PLET1: variants seen among roughly 807,000 people sequenced by gnomAD.
PLET1 encodes the protein placenta-expressed transcript 1 protein.
Under a neutral mutation model 18.5 loss-of-function variants are expected in PLET1, and 20 were observed. That is an observed-to-expected ratio of 1.08 (90% confidence interval 0.76 to 1.57). The LOEUF (loss-of-function observed/expected upper bound fraction) is 1.57. PLET1 is among the 40% of genes most tolerant of loss of function. The pLI is 0.00. For synonymous variants in PLET1, 93 were observed against 93.8 expected (o/e 0.99, Z 0.05); for missense variants, 256 against 246.4 (o/e 1.04, Z -0.26).
chr11:112,249,933 G>C (rs903744139), intron 3 of PLET1, among the ~76,000 whole-genome samples: 19 of 148,964 alleles, frequency 1.3e-4, no homozygotes, highest in African/African-American at 4.5e-4. Context: ...TTCCAGTCTG[G>C]GTGAGAAAGT....
At position 112,248,408 on chromosome 11, in the gene PLET1, C is replaced by T. The variant is rs2135415198; in HGVS notation, c.*391G>A. 2.5e-6 allele frequency: 1 copy of T among 399,508 alleles called. No individual in the cohort carries two copies. The highest frequency in any genetic ancestry group is 3.6e-5 in the East Asian group (1 of 27,970). The allele number at this position is 399,508 out of a possible 1,614,324, so 24.7% of individuals were successfully genotyped here. A position where few individuals can be genotyped will look rare whatever the true frequency, so the allele number is the denominator to read the frequency against. On this transcript the variant is annotated 3_prime_UTR_variant, in exon 4 of 4. Coordinates refer to ENST00000338832, the MANE Select transcript of PLET1 (RefSeq NM_001145024.1). ...ATGGGTTTGGTTAGAAATCTGAGAT[C>T]ATCTTGAAAGTAAGGAAGGATTCTT...
chr11:112,259,635 G>A (rs896773856), intron 1 of PLET1, among the ~76,000 whole-genome samples: 7 of 152,134 alleles, frequency 4.6e-5, no homozygotes, highest in African/African-American at 9.7e-5. Flanking sequence ...CATAAAGTGG[G>A]TTAGTAATAC....
chr11:112,250,110 C>G (rs1485074436), intron 3 of PLET1, among the ~76,000 whole-genome samples: 1 of 150,288 alleles, frequency 6.7e-6, no homozygotes, highest in African/African-American at 2.4e-5. Context: ...CCAAATGTTT[C>G]TCTGGCATCC....
chr11:112,256,162 C>G (rs879852508), intron 1 of PLET1, among the ~76,000 whole-genome samples: 2 of 152,150 alleles, frequency 1.3e-5, no homozygotes, highest in Non-Finnish European at 2.9e-5. Context: ...GGCCCTAACT[C>G]CTTAGAGAGT....
intron 2 of PLET1, among the ~76,000 whole-genome samples, chr11:112,254,283 G>A (rs1041577302): frequency 1.4e-5 from 2 of 146,484 alleles, no homozygotes; most frequent in Admixed American, 7.0e-5. Flanking sequence ...GGTGTGTAGT[G>A]TGTGTATGTG....
At chr11:112,256,676 A>G (rs148150215) in intron 1 of PLET1, among the ~76,000 whole-genome samples, 1 of 152,226 alleles carries the variant, frequency 6.6e-6, no homozygotes, top group African/African-American at 2.4e-5. Context: ...AATTGTTATT[A>G]TGTGACTATA....
chr11:112,250,244 T>C (rs1860141007), intron 3 of PLET1, among the ~76,000 whole-genome samples: 2 of 145,764 alleles, frequency 1.4e-5, no homozygotes, highest in Non-Finnish European at 1.5e-5. Context: ...TTTTTTTTTT[T>C]TCCTTTTTGG....
intron 2 of PLET1, among the ~76,000 whole-genome samples, chr11:112,254,501 AGT>A (rs769586099): frequency 1.5e-3 from 138 of 90,330 alleles, no homozygotes; most frequent in East Asian, 3.0e-3. Context: ...GTGTGGCATG[AGT>A]GTGTGTGGTG....
Position 112,248,929 on chromosome 11 carries a change from A to G in PLET1, c.494T>C (p.Phe165Ser), listed in dbSNP as rs7128270. 6,198 of 1,551,148 alleles carry G rather than the reference A, an allele frequency of 4.0e-3. 217 individuals carry two copies. In the African/African-American group the frequency reaches 0.073, roughly 18 times the overall value. Residue 165 changes from phenylalanine to serine, a missense_variant, in exon 4 of 4, where the codon TTC becomes TCC. By Grantham distance (155) the Phe-to-Ser change is radical. Coordinates refer to ENST00000338832, the MANE Select transcript of PLET1 (RefSeq NM_001145024.1). ...LAAKIPQSSAFKPFFMITPKS... is the reference protein window; with the variant it reads ...LAAKIPQSSASKPFFMITPKS... The stretch of plus-strand genomic sequence containing the variant: ...GGGTGTAATCATGAAGAAAGGCTTG[A>G]AGGCTGAGCTCTGGGGAATCTTGGC...
chr11:112,257,192 T>G (rs1047989781), intron 1 of PLET1, among the ~76,000 whole-genome samples: 1 of 152,196 alleles, frequency 6.6e-6, no homozygotes, highest in African/African-American at 2.4e-5. Context: ...ATTCCCACTC[T>G]AAGGGCAGCC....
At chr11:112,254,844 GT>G (rs1860202020) in intron 2 of PLET1, among the ~76,000 whole-genome samples, 1 of 135,906 alleles carries the variant, frequency 7.4e-6, no homozygotes, top group Non-Finnish European at 1.6e-5. Flanking sequence ...TGTGTTGTGT[GT>G]GGTGTGTGTG....
rs1860122648 is a variant in PLET1, at chr11:112,248,454, G to A, written c.*345C>T. 2.5e-6 allele frequency: 1 copy of A among 406,856 alleles called. No homozygotes were observed. The highest frequency in any genetic ancestry group is 1.2e-4 in the South Asian group (1 of 8,376). 25.2% of individuals were successfully genotyped at this position (406,856 alleles called of 1,614,324 possible). ...TTCTTCCCACAGAAACTCAGAGGTT[G>A]CAGGGGAATCATTTGGCAGTGAACA... is the stretch of plus-strand genomic sequence containing the variant. On this transcript the variant is annotated 3_prime_UTR_variant, in exon 4 of 4. Coordinates refer to ENST00000338832, the MANE Select transcript of PLET1 (RefSeq NM_001145024.1).
intron 3 of PLET1, 55 bp from the exon 4 acceptor site, chr11:112,249,029 G>C: frequency 6.7e-7 from 1 of 1,491,152 alleles, no homozygotes; most frequent in Non-Finnish European, 9.1e-7. Flanking sequence ...CGGAACCTCC[G>C]TTGGGTGGTG....
chr11:112,251,991 T>C (rs1425721439), intron 3 of PLET1, among the ~76,000 whole-genome samples: 1 of 152,220 alleles, frequency 6.6e-6, no homozygotes, highest in Non-Finnish European at 1.5e-5. Context: ...CATTAAGGCT[T>C]TGTGTGAGTG....
chr11:112,258,760 C>T (rs1860254061), intron 1 of PLET1, among the ~76,000 whole-genome samples: 1 of 152,312 alleles, frequency 6.6e-6, no homozygotes, highest in South Asian at 2.1e-4. Flanking sequence ...ATCCTCCCTG[C>T]CCTGTCAGGA....
chr11:112,248,935 G>C lies in PLET1; in HGVS notation c.488C>G (p.Ser163Ter). ...LALAAKIPQS[S>*]AFKPFFMITP... is the part of the protein sequence containing the mutation. Reference sequence around the variant, plus strand: ...AATCATGAAGAAAGGCTTGAAGGCTGAGCTCTGGGGAATCTTGGCAGCTAA... The same window carrying C: ...AATCATGAAGAAAGGCTTGAAGGCTCAGCTCTGGGGAATCTTGGCAGCTAA... The change falls in exon 4 of 4, where the codon TCA becomes TGA. Residue 163 changes from serine to a stop codon, truncating the protein, a stop_gained. Coordinates refer to ENST00000338832, the MANE Select transcript of PLET1 (RefSeq NM_001145024.1). LOFTEE classifies it low-confidence loss of function (END_TRUNC). The C allele has an allele frequency of 2.6e-6, 4 of 1,551,030 alleles. No individual in the cohort carries two copies. The highest frequency in any genetic ancestry group is 3.5e-6 in the Non-Finnish European group (4 of 1,146,996).
chr11:112,248,355 T>G lies in PLET1; in HGVS notation c.*444A>C, dbSNP rs1592887779. On this transcript the variant is annotated 3_prime_UTR_variant, in exon 4 of 4. Transcript: ENST00000338832. ...TTTCTCCTTTCTTTCTTGAGTCACATGAGTCACAGAAGTTCCTTGTAACCT... is the reference window on the plus strand; with the variant it reads ...TTTCTCCTTTCTTTCTTGAGTCACAGGAGTCACAGAAGTTCCTTGTAACCT... 1.1e-5 allele frequency: 4 copies of G among 380,116 alleles called. No individual in the cohort carries two copies. Among genetic ancestry groups the G allele is most frequent in the Non-Finnish European group, 1.9e-5 (4 of 215,204 alleles). 23.5% of individuals were successfully genotyped at this position (380,116 alleles called of 1,614,324 possible).
chr11:112,252,822 T>C (rs1860169800), intron 2 of PLET1, among the ~76,000 whole-genome samples: 1 of 152,212 alleles, frequency 6.6e-6, no homozygotes, highest in Non-Finnish European at 1.5e-5. Flanking sequence ...GCTAGGAGCC[T>C]CTGTCCCCAT....
At chr11:112,251,211 A>G (rs1309575351) in intron 3 of PLET1, among the ~76,000 whole-genome samples, 1 of 151,712 alleles carries the variant, frequency 6.6e-6, no homozygotes, top group Non-Finnish European at 1.5e-5. Context: ...TCTTTTGGCC[A>G]TTTACTTTCT....
Sources: allele counts gnomAD v4.1 joint callset (sites outside exome capture counted in the v4.1 genomes callset), GRCh38; gene constraint gnomAD v4.1.1; transcripts MANE v1.5; gene names NCBI Gene and HGNC (gene_info 2026-07-23, HGNC 2026-07-21).